PRSS23: variants seen among roughly 807,000 people sequenced by gnomAD.
PRSS23 encodes serine protease 23.
Under a neutral mutation model 34.7 loss-of-function variants are expected in PRSS23, and 25 were observed. The ratio of observed to expected loss-of-function variants is 0.72; its 90% CI spans 0.53 to 1.01. The LOEUF (loss-of-function observed/expected upper bound fraction) is 1.01, where lower values mean the gene tolerates loss of function less well. Among genes scored for constraint, PRSS23 ranks in the 50% least tolerant of loss-of-function variants. The pLI, the probability that PRSS23 is intolerant of heterozygous loss-of-function variation, is 0.00. For missense variants in PRSS23, 445 were observed against 475.6 expected (o/e 0.94, Z 0.60); for synonymous variants, 176 against 186.6 (o/e 0.94, Z 0.46).
intron 2 of PRSS23, among the ~76,000 whole-genome samples, chr11:86,861,993 A>T (rs1185575249): frequency 6.6e-6 from 1 of 151,408 alleles, no homozygotes; most frequent in Non-Finnish European, 1.5e-5. Flanking sequence ...ACAGGGGGTG[A>T]GAGAATGATA....
At chr11:86,949,527 C>A (rs1470025562) in intron 2 of PRSS23, 1 of 152,126 alleles carries the variant, frequency 6.6e-6, no homozygotes, top group Non-Finnish European at 1.5e-5. Flanking sequence ...AGGAGAGCAA[C>A]CTGTGACATA....
intron 2 of PRSS23, among the ~76,000 whole-genome samples, chr11:86,848,741 C>T (rs777829679): frequency 2.0e-5 from 3 of 152,122 alleles, no homozygotes; most frequent in Non-Finnish European, 4.4e-5. Flanking sequence ...CTGCCAACCT[C>T]GTTGTTCTAT....
At chr11:86,857,604 T>C in intron 2 of PRSS23, 1 of 512,158 alleles carries the variant, frequency 2.0e-6, no homozygotes, top group South Asian at 1.5e-5. Context: ...GGATTCATGA[T>C]GACTCGGTAG....
At chr11:86,874,543 C>T (rs1239994777) in intron 2 of PRSS23, among the ~76,000 whole-genome samples, 1 of 152,210 alleles carries the variant, frequency 6.6e-6, no homozygotes, top group East Asian at 1.9e-4. Context: ...CTGTGAGGCA[C>T]AGCCCCGTGG....
intron 2 of PRSS23, among the ~76,000 whole-genome samples, chr11:86,917,303 A>C (rs1949019746): frequency 6.6e-6 from 1 of 152,232 alleles, no homozygotes; most frequent in African/African-American, 2.4e-5. Flanking sequence ...TGGGCGACAG[A>C]GTGAGACTCC....
rs530374527 is a variant in PRSS23, at chr11:86,940,437, T to A, written c.207-10779T>A. On this transcript the variant is annotated intron_variant, in intron 2 of 2. Transcript: ENST00000533902. ...TGTGGCTTCTCTGAAAATCACCCCCTCCTTTCCATCTCTCTGCTACCACCT... is the reference window on the plus strand; with the variant it reads ...TGTGGCTTCTCTGAAAATCACCCCCACCTTTCCATCTCTCTGCTACCACCT... Among the ~76,000 whole-genome samples the A allele has an allele frequency of 4.6e-5, 7 of 152,236 alleles. No homozygotes were observed. The East Asian group carries it at 1.3e-3, about 29-fold the overall frequency.
chr11:86,878,231 C>T (rs888333433), intron 2 of PRSS23, among the ~76,000 whole-genome samples: 1 of 148,516 alleles, frequency 6.7e-6, no homozygotes. Flanking sequence ...CCTACCCCTC[C>T]CCCTCCCTCT....
At chr11:86,825,049 C>T (rs1297785556) in intron 2 of PRSS23, among the ~76,000 whole-genome samples, 2 of 152,034 alleles carry the variant, frequency 1.3e-5, no homozygotes, top group African/African-American at 2.4e-5. Context: ...CCTGAGGAAT[C>T]GCCACACTGT....
intron 2 of PRSS23, chr11:86,948,216 G>C (rs1949259955): frequency 6.6e-6 from 1 of 152,106 alleles, no homozygotes; most frequent in South Asian, 2.1e-4. Flanking sequence ...CACAGGAAGA[G>C]ATTTATGGAA....
intron 2 of PRSS23, among the ~76,000 whole-genome samples, chr11:86,898,346 T>C (rs192107457): frequency 3.7e-4 from 57 of 152,288 alleles, no homozygotes; most frequent in Admixed American, 3.1e-3. Flanking sequence ...TCAATAAATA[T>C]AGTATAAAAA....
At chr11:86,844,299 A>C (rs1948470326) in intron 2 of PRSS23, among the ~76,000 whole-genome samples, 5 of 152,148 alleles carry the variant, frequency 3.3e-5, no homozygotes, top group African/African-American at 1.2e-4. Context: ...CATTAGGAGA[A>C]ATACCTAATG....
intron 1 of PRSS23, among the ~76,000 whole-genome samples, chr11:86,791,397 T>C (rs1015489031): frequency 1.3e-5 from 2 of 152,356 alleles, no homozygotes; most frequent in Middle Eastern, 3.4e-3. Flanking sequence ...CAGGTGATCC[T>C]GTGTTTGAAA....
chr11:86,901,089 A>C (rs535759900), intron 2 of PRSS23, among the ~76,000 whole-genome samples: 1 of 152,038 alleles, frequency 6.6e-6, no homozygotes, highest in Admixed American at 6.5e-5. Flanking sequence ...CCGGCTTATC[A>C]TCTCTTTCTT....
chr11:86,821,247 AT>A (rs2134873725), intron 1 of PRSS23: 1 of 534,196 alleles, frequency 1.9e-6, no homozygotes, highest in African/African-American at 2.0e-5. Flanking sequence ...TTCATCACAA[AT>A]TTAGTAATCC....
chr11:86,927,549 A>G (rs758260151), intron 2 of PRSS23, among the ~76,000 whole-genome samples: 14 of 152,022 alleles, frequency 9.2e-5, no homozygotes, highest in Non-Finnish European at 2.1e-4. Flanking sequence ...GTATCACTAT[A>G]TTGCCCAGTC....
intron 2 of PRSS23, among the ~76,000 whole-genome samples, chr11:86,907,387 T>A (rs1948950353): frequency 6.6e-6 from 1 of 152,202 alleles, no homozygotes; most frequent in Non-Finnish European, 1.5e-5. Context: ...AGGGAAATTG[T>A]CATTTTAAAA....
intron 2 of PRSS23, among the ~76,000 whole-genome samples, chr11:86,828,267 T>C (rs1327085197): frequency 6.6e-6 from 1 of 152,206 alleles, no homozygotes; most frequent in African/African-American, 2.4e-5. Context: ...TTTGTCTCTT[T>C]TGATTTTTGT....
chr11:86,906,406 C>T (rs1205271271), intron 2 of PRSS23, among the ~76,000 whole-genome samples: 1 of 152,224 alleles, frequency 6.6e-6, no homozygotes, highest in Non-Finnish European at 1.5e-5. Flanking sequence ...CCGCCTGGTA[C>T]TCGCTTTCGC....
At chr11:86,791,240 T>G (rs1253403647) in intron 1 of PRSS23, 1 of 152,408 alleles carries the variant, frequency 6.6e-6, no homozygotes, top group Non-Finnish European at 1.5e-5. Flanking sequence ...AGGGCTTTCT[T>G]AAACCAGCAC....
Sources: allele counts gnomAD v4.1 joint callset (sites outside exome capture counted in the v4.1 genomes callset), GRCh38; gene constraint gnomAD v4.1.1; transcripts MANE v1.5; gene names NCBI Gene and HGNC (gene_info 2026-07-23, HGNC 2026-07-21).